Variants in XCR1 observed in about 807,000 individuals in gnomAD.
The protein encoded by XCR1 is chemokine XC receptor 1.
For missense variants in XCR1, 356 were observed against 424.2 expected, an observed-to-expected ratio of 0.84 and a Z score of 1.41; for synonymous variants, 187 against 188.5, an observed-to-expected ratio of 0.99 and a Z score of 0.06.
chr3:46,047,298 G>A (rs1451544608), intron 5 of XCR1, among the ~76,000 whole-genome samples: 1 of 152,184 alleles, frequency 6.6e-6, no homozygotes, highest in South Asian at 2.1e-4. Context: ...ATGCAAAGCA[G>A]GTGTGGCAGC....
At chr3:46,074,625 AT>A (rs1034884532) in intron 3 of XCR1, among the ~76,000 whole-genome samples, 15 of 152,170 alleles carry the variant, frequency 9.9e-5, no homozygotes, top group Admixed American at 3.3e-4. Flanking sequence ...TTTAAAAAAA[AT>A]CATAAGGAAG....
At chr3:46,082,571 G>A (rs1365568493) in intron 1 of XCR1, among the ~76,000 whole-genome samples, 7 of 146,106 alleles carry the variant, frequency 4.8e-5, no homozygotes, top group Non-Finnish European at 8.9e-5. Flanking sequence ...ACTCACTGCG[G>A]CCTCCAACTC....
chr3:46,023,202 G>A (rs543950370), intron 1 of XCR1: 1 of 494,402 alleles, frequency 2.0e-6, no homozygotes, highest in African/African-American at 2.0e-5. Context: ...TGCTCCCTCT[G>A]CGCCCAGAGA....
chr3:46,061,979 G>A (rs1291214607), intron 4 of XCR1, among the ~76,000 whole-genome samples: 1 of 152,150 alleles, frequency 6.6e-6, no homozygotes, highest in Non-Finnish European at 1.5e-5. Context: ...GAACCCCTAA[G>A]GGAAGGGTTT....
rs548494754 is a variant in XCR1, at chr3:46,065,929, G to A, written c.-183+970C>T. 2.2e-4 allele frequency among the ~76,000 whole-genome samples: 33 copies of A among 152,320 alleles called. 1 individual carries two copies. The South Asian group carries it at 5.6e-3, about 26-fold the overall frequency. On this transcript the variant is annotated intron_variant, in intron 4 of 5. Transcript: ENST00000683768. ...CTCCAGGGCCTCCGGAAGAGGCCAC[G>A]TAGGGATGTCCCTGGGGCATTTGCT...
intron 4 of XCR1, among the ~76,000 whole-genome samples, chr3:46,063,329 T>C (rs561064630): frequency 2.6e-5 from 4 of 152,282 alleles, no homozygotes; most frequent in South Asian, 2.1e-4. Context: ...TTGGAGAACC[T>C]AGTAAGACCT....
intron 5 of XCR1, among the ~76,000 whole-genome samples, chr3:46,032,716 G>A (rs2125895993): frequency 6.6e-6 from 1 of 152,328 alleles, no homozygotes; most frequent in South Asian, 2.1e-4. Flanking sequence ...CTTCCAAAGT[G>A]GCTGGATCAT....
intron 1 of XCR1, chr3:46,023,616 G>T: frequency 7.4e-7 from 1 of 1,349,132 alleles, no homozygotes; most frequent in South Asian, 1.2e-5. Flanking sequence ...TCTCTGCCGA[G>T]GATGCGGAGG....
At chr3:46,066,002 T>A (rs1698062608) in intron 4 of XCR1, among the ~76,000 whole-genome samples, 1 of 152,152 alleles carries the variant, frequency 6.6e-6, no homozygotes, top group South Asian at 2.1e-4. Flanking sequence ...CACTCCCTTG[T>A]CTCACTCCTT....
chr3:46,028,807 A>C (rs1708349773), upstream of XCR1, among the ~76,000 whole-genome samples: 1 of 152,010 alleles, frequency 6.6e-6, no homozygotes, highest in Non-Finnish European at 1.5e-5. Flanking sequence ...GCCCAGACTA[A>C]TCTTGGACTC....
Position 46,052,718 on chromosome 3 carries a change from G to A in XCR1, c.-32+1202C>T, listed in dbSNP as rs1014627326. On this transcript the variant is annotated intron_variant, in intron 5 of 5. Coordinates refer to the XCR1 transcript ENST00000683768. The stretch of plus-strand genomic sequence containing the variant: ...TCCCAAGTTCTTTGTACACCTCACC[G>A]GTGCCAGTGCGCGTTCATAATCTGC... Among the ~76,000 whole-genome samples the A allele has an allele frequency of 7.2e-5, 11 of 152,132 alleles. No homozygotes were observed. The East Asian group carries it at 1.3e-3, about 19-fold the overall frequency.
At chr3:46,073,121 C>A (rs1383959716) in intron 3 of XCR1, among the ~76,000 whole-genome samples, 1 of 152,040 alleles carries the variant, frequency 6.6e-6, no homozygotes. Flanking sequence ...AAAATCAACT[C>A]AAGATAGATT....
Position 46,018,582 on chromosome 3 carries a change from T to G in XCR1, c.*2364A>C, listed in dbSNP as rs1575403316. 6.6e-6 allele frequency: 1 copy of G among 152,222 alleles called. No individual in the cohort carries two copies. The highest frequency in any genetic ancestry group is 1.9e-4 in the East Asian group (1 of 5,200). The allele number at this position is 152,222 out of a possible 1,614,324, so 9.4% of individuals were successfully genotyped here. ...CCCCACCTGTAGGCTGGCAGGTAGGTCCATGGGAGCCCCTTCCCTTCACTG... is the reference window on the plus strand; with the variant it reads ...CCCCACCTGTAGGCTGGCAGGTAGGGCCATGGGAGCCCCTTCCCTTCACTG... On this transcript the variant is annotated 3_prime_UTR_variant, in exon 2 of 2. Coordinates refer to ENST00000309285, the MANE Select transcript of XCR1 (RefSeq NM_001024644.2).
chr3:46,025,925 G>A (rs1421429164), intron 1 of XCR1, among the ~76,000 whole-genome samples: 3 of 151,998 alleles, frequency 2.0e-5, no homozygotes, highest in African/African-American at 4.8e-5. Flanking sequence ...AATTCTTAAC[G>A]AAATATTGGC....
intron 3 of XCR1, among the ~76,000 whole-genome samples, chr3:46,069,200 CA>C (rs1352625240): frequency 6.7e-6 from 1 of 150,298 alleles, no homozygotes; most frequent in Non-Finnish European, 1.5e-5. Flanking sequence ...CAAGAATCTA[CA>C]AAAAGAAGAG....
intron 5 of XCR1, among the ~76,000 whole-genome samples, chr3:46,045,445 AC>A (rs1198391981): frequency 2.6e-5 from 4 of 152,174 alleles, no homozygotes; most frequent in African/African-American, 9.7e-5. Context: ...TTCCAGATAT[AC>A]AAGTCTGGTT....
intron 1 of XCR1, chr3:46,023,348 C>T: frequency 7.4e-7 from 1 of 1,350,080 alleles, no homozygotes; most frequent in Non-Finnish European, 1.1e-6. Context: ...AGCAGACGAG[C>T]CGACCGTTTA....
Position 46,036,257 on chromosome 3 carries a change from C to T in XCR1, c.-31-14279G>A, listed in dbSNP as rs140450187. ...TGGTTTTCTGTGGTGCTGTTTGGCC[C>T]CAGTGTTCCTTGGAGTCTGAGGAGG... On this transcript the variant is annotated intron_variant, in intron 5 of 5. Coordinates refer to the XCR1 transcript ENST00000683768. Among the ~76,000 whole-genome samples, 84 of 152,176 alleles carry T rather than the reference C, an allele frequency of 5.5e-4. 1 individual carries two copies. Among genetic ancestry groups the T allele is most frequent in the African/African-American group, 1.8e-3 (74 of 41,496 alleles).
chr3:46,062,188 G>T (rs34127208), intron 4 of XCR1, among the ~76,000 whole-genome samples: 13,728 of 152,218 alleles, frequency 0.09, 1,008 homozygotes, highest in South Asian at 0.34. Context: ...TCCTTGGGGA[G>T]ATGCAGGCCT....
Sources: allele counts gnomAD v4.1 joint callset (sites outside exome capture counted in the v4.1 genomes callset), GRCh38; gene constraint gnomAD v4.1.1; transcripts MANE v1.5; gene names NCBI Gene and HGNC (gene_info 2026-07-23, HGNC 2026-07-21).